PRH1: variants seen among roughly 807,000 people sequenced by gnomAD.
PRH1 encodes salivary acidic proline-rich phosphoprotein 1/2.
Under a neutral mutation model 7.9 loss-of-function variants are expected in PRH1, and 7 were observed. The ratio of observed to expected loss-of-function variants is 0.89; its 90% confidence interval spans 0.50 to 1.67. The LOEUF is 1.67. Ranked by LOEUF, PRH1 falls within the 40% of genes most tolerant of loss-of-function variation. The pLI is 0.00. For synonymous variants in PRH1, 45 were observed against 80.8 expected, an observed-to-expected ratio of 0.56 and a Z score of 2.38; for missense variants, 109 against 223.6, an observed-to-expected ratio of 0.49 and a Z score of 3.27.
In PRH1 at chr12:10,988,433, C is replaced by A. The variant is rs542212936; in HGVS notation, c.-125-14712G>T. 6.6e-5 allele frequency among the ~76,000 whole-genome samples: 10 copies of A among 152,188 alleles called. No individual in the cohort carries two copies. In the East Asian group the frequency reaches 1.9e-3, roughly 29 times the overall value. Reference sequence around the variant, plus strand: ...GAAAGGATTTGTGTGCTGCAGGTAGCATCATCTGAAATTTCCATATGTTGC... The same window carrying A: ...GAAAGGATTTGTGTGCTGCAGGTAGAATCATCTGAAATTTCCATATGTTGC... On this transcript the variant is annotated intron_variant, in intron 1 of 3. Coordinates refer to the PRH1 transcript ENST00000539853.
At position 10,941,382 on chromosome 12, in the gene PRH1, T is replaced by C. The variant is rs1185566077; in HGVS notation, c.-59+32273A>G. Among the ~76,000 whole-genome samples, 3 of 152,120 alleles carry C rather than the reference T, an allele frequency of 2.0e-5. No individual in the cohort carries two copies. The East Asian group carries it at 5.8e-4, about 29-fold the overall frequency. On this transcript the variant is annotated intron_variant, in intron 2 of 3. Coordinates refer to the PRH1 transcript ENST00000539853. Reference sequence around the variant, plus strand: ...ATTCCCACACACTACATCCAGAAATTAGAATAAAAACTCAGTTCCTCAGAG... The same window carrying C: ...ATTCCCACACACTACATCCAGAAATCAGAATAAAAACTCAGTTCCTCAGAG...
At chr12:10,986,668 T>G in intron 1 of PRH1, 1 of 1,612,192 alleles carries the variant, frequency 6.2e-7, no homozygotes, top group Middle Eastern at 1.7e-4. Context: ...AAATACCAAT[T>G]TAATAATAAT....
intron 1 of PRH1, among the ~76,000 whole-genome samples, chr12:11,017,554 G>A (rs550218122): frequency 3.9e-5 from 6 of 152,142 alleles, no homozygotes; most frequent in Non-Finnish European, 5.9e-5. Flanking sequence ...TTGCAATCCC[G>A]GCTCACTGCA....
At chr12:11,034,004 T>G (rs1311188169) in intron 1 of PRH1, among the ~76,000 whole-genome samples, 1 of 145,846 alleles carries the variant, frequency 6.9e-6, no homozygotes, top group African/African-American at 2.5e-5. Context: ...ATATAAGCAA[T>G]ATCCATAATT....
chr12:11,003,289 T>A (rs1435217494), intron 1 of PRH1, among the ~76,000 whole-genome samples: 1 of 152,034 alleles, frequency 6.6e-6, no homozygotes, highest in African/African-American at 2.4e-5. Context: ...TATTTCTGCT[T>A]TTAAAATATT....
intron 1 of PRH1, among the ~76,000 whole-genome samples, chr12:11,027,477 C>A (rs79024190): frequency 0.1 from 7,142 of 69,904 alleles, no homozygotes; most frequent in Non-Finnish European, 0.13. Context: ...ATCTTTTTTA[C>A]AGTATATGGC....
rs1163983230 is a variant in PRH1 at position 11,092,187 on chromosome 12, C to G, written n.124-44999G>C. On this transcript the variant is annotated intron_variant and non_coding_transcript_variant, in intron 1 of 4. Transcript: ENST00000541977. Reference sequence around the variant, plus strand: ...GCAAAATTTCCAATAACAAATGTAACCACTACCAGACTGGAAAAAATGATG... The same window carrying G: ...GCAAAATTTCCAATAACAAATGTAAGCACTACCAGACTGGAAAAAATGATG... 8.2e-6 allele frequency: 11 copies of G among 1,348,788 alleles called. 1 individual carries two copies. The East Asian group carries it at 9.2e-5, about 11-fold the overall frequency. 83.6% of individuals were successfully genotyped at this position (1,348,788 alleles called of 1,614,324 possible).
intron 1 of PRH1, among the ~76,000 whole-genome samples, chr12:11,041,813 A>G (rs1203796453): frequency 1.3e-5 from 2 of 152,346 alleles, no homozygotes; most frequent in African/African-American, 2.4e-5. Flanking sequence ...CTAGAAATCA[A>G]TAACAAGAAT....
chr12:11,011,137 T>C (rs527970321), intron 1 of PRH1, among the ~76,000 whole-genome samples: 3 of 152,170 alleles, frequency 2.0e-5, no homozygotes, highest in Admixed American at 2.0e-4. Context: ...AATTCTACCA[T>C]TACTAGCACA....
chr12:10,908,337 G>A lies in PRH1; in HGVS notation c.-58-24062C>T, dbSNP rs1393993735. The A allele has an allele frequency of 2.0e-6, 3 of 1,511,414 alleles. No homozygotes were observed. The Admixed American group carries it at 6.2e-5, about 31-fold the overall frequency. The allele number at this position is 1,511,414 out of a possible 1,614,324, so 93.6% of individuals were successfully genotyped here. On this transcript the variant is annotated intron_variant, in intron 2 of 3. Transcript: ENST00000539853. ...TCCTTGTAGACTCCTGTTTCTGTCT[G>A]CAATATTCAATAATCTGTGGTCTGA...
chr12:11,070,717 T>C (rs1337241260), intron 1 of PRH1, among the ~76,000 whole-genome samples: 4 of 151,330 alleles, frequency 2.6e-5, no homozygotes, highest in African/African-American at 9.7e-5. Flanking sequence ...AACCAGATAT[T>C]GGCCACCCCA....
upstream of PRH1, among the ~76,000 whole-genome samples, chr12:11,050,374 T>C (rs1270454786): frequency 1.3e-5 from 2 of 152,232 alleles, no homozygotes; most frequent in African/African-American, 4.8e-5. Flanking sequence ...AAGGTGCAGA[T>C]CGCTCATGCT....
At chr12:11,139,932 T>G (rs1346607767) in intron 1 of PRH1, among the ~76,000 whole-genome samples, 1 of 152,082 alleles carries the variant, frequency 6.6e-6, no homozygotes. Context: ...ATATTTACAG[T>G]TTTGTATTTA....
Position 10,986,422 on chromosome 12 carries a change from C to T in PRH1, c.-125-12701G>A, listed in dbSNP as rs199728860. The T allele has an allele frequency of 9.9e-5, 159 of 1,613,866 alleles. No homozygotes were observed. Among genetic ancestry groups the T allele is most frequent in the African/African-American group, 1.3e-4 (10 of 74,828 alleles). Reference sequence around the variant, plus strand: ...GCCCACATACTCTCATCCATGTTTGCCACAAGAAGATGACAAACCAAAAAT... The same window carrying T: ...GCCCACATACTCTCATCCATGTTTGTCACAAGAAGATGACAAACCAAAAAT... On this transcript the variant is annotated intron_variant, in intron 1 of 3. Coordinates refer to the PRH1 transcript ENST00000539853.
intron 1 of PRH1, among the ~76,000 whole-genome samples, chr12:10,991,621 C>G (rs1939940335): frequency 6.6e-6 from 1 of 151,962 alleles, no homozygotes; most frequent in African/African-American, 2.4e-5. Flanking sequence ...GAATAATCAG[C>G]CTTATTCCTC....
At chr12:11,116,649 G>A (rs190043124), downstream of PRH1, among the ~76,000 whole-genome samples, 5 of 152,124 alleles carry the variant, frequency 3.3e-5, no homozygotes, top group East Asian at 9.6e-4. Flanking sequence ...ACATATCTCT[G>A]ATGAATATTG....
chr12:11,048,146 A>G (rs76209218), upstream of PRH1, among the ~76,000 whole-genome samples: 5 of 138,654 alleles, frequency 3.6e-5, no homozygotes, highest in African/African-American at 5.3e-5. Flanking sequence ...ACACACATAT[A>G]TGTGTGTGTG....
intron 1 of PRH1, among the ~76,000 whole-genome samples, chr12:11,024,850 G>A (rs1941830222): frequency 1.3e-5 from 2 of 152,182 alleles, no homozygotes; most frequent in African/African-American, 4.8e-5. Context: ...CACAGACATA[G>A]AAAAGCCCAA....
At chr12:10,980,735 G>A (rs1314290739) in intron 1 of PRH1, among the ~76,000 whole-genome samples, 4 of 152,276 alleles carry the variant, frequency 2.6e-5, no homozygotes, top group South Asian at 2.1e-4. Flanking sequence ...TCAATTTAGA[G>A]ACAAGAGAGA....
Sources: gnomAD v4.1 joint callset for allele counts (sites outside exome capture counted in the v4.1 genomes callset) on GRCh38, gnomAD v4.1.1 for gene constraint, MANE v1.5 for transcripts, NCBI Gene and HGNC (gene_info 2026-07-23, HGNC 2026-07-21) for gene names.